RIMBP2: variants seen among roughly 807,000 people sequenced by gnomAD.
RIMBP2 encodes the protein RIMS binding protein 2, also known as RIMS-binding protein 2.
In RIMBP2, 48 loss-of-function variants were observed where a neutral mutation model predicts 118.6. The observed-to-expected ratio is 0.40, with a 90% confidence interval of 0.32 to 0.51. RIMBP2 has a LOEUF of 0.51. Ranked by LOEUF, RIMBP2 falls within the 20% of genes least tolerant of loss-of-function variation. The pLI, the probability that RIMBP2 is intolerant of heterozygous loss-of-function variation, is 0.41. For missense variants in RIMBP2, 1,551 were observed against 1,768.3 expected (o/e 0.88, Z 2.20); for synonymous variants, 762 against 742.9 (o/e 1.03, Z -0.42).
intron 6 of RIMBP2, chr12:130,468,870 AC>A (rs1036354647): frequency 3.3e-5 from 5 of 152,200 alleles, no homozygotes; most frequent in Non-Finnish European, 7.3e-5. Context: ...CCTTGGCAGG[AC>A]GGGAAGAGCC....
chr12:130,506,427 A>G (rs2050360489), intron 4 of RIMBP2, among the ~76,000 whole-genome samples: 1 of 152,196 alleles, frequency 6.6e-6, no homozygotes, highest in Non-Finnish European at 1.5e-5. Context: ...ATGGAAATGC[A>G]TAATTGGCTT....
intron 2 of RIMBP2, among the ~76,000 whole-genome samples, chr12:130,601,181 C>G (rs779159206): frequency 6.6e-6 from 1 of 152,022 alleles, no homozygotes; most frequent in African/African-American, 2.4e-5. Context: ...ATTTAACCAA[C>G]CAGAAGGACG....
intron 6 of RIMBP2, among the ~76,000 whole-genome samples, chr12:130,457,663 C>T (rs1014083405): frequency 6.6e-6 from 1 of 152,250 alleles, no homozygotes. Context: ...ACTGCAGTAG[C>T]TCCTGGGCTA....
chr12:130,709,080 G>A (rs1253147945), intron 1 of RIMBP2, among the ~76,000 whole-genome samples: 1 of 152,278 alleles, frequency 6.6e-6, no homozygotes, highest in Non-Finnish European at 1.5e-5. Context: ...CAACGTGCCG[G>A]CAACAGCAGT....
At chr12:130,559,423 T>A (rs1427368492) in intron 2 of RIMBP2, among the ~76,000 whole-genome samples, 1 of 152,188 alleles carries the variant, frequency 6.6e-6, no homozygotes, top group African/African-American at 2.4e-5. Context: ...CCGTTTGTCT[T>A]TCAATGCCTG....
chr12:130,494,371 G>C (rs2048936967), intron 4 of RIMBP2, among the ~76,000 whole-genome samples: 1 of 152,124 alleles, frequency 6.6e-6, no homozygotes, highest in African/African-American at 2.4e-5. Flanking sequence ...AAGCACAGTG[G>C]CTCATACCTG....
intron 2 of RIMBP2, among the ~76,000 whole-genome samples, chr12:130,527,220 AT>A (rs1323827887): frequency 2.0e-5 from 3 of 152,262 alleles, no homozygotes; most frequent in African/African-American, 7.2e-5. Flanking sequence ...GATAATTCAT[AT>A]AAATGTATTC....
chr12:130,459,828 C>A (rs1459913873), intron 6 of RIMBP2, among the ~76,000 whole-genome samples: 2 of 152,098 alleles, frequency 1.3e-5, no homozygotes. Context: ...TGCATACTCT[C>A]TGTGGTTTGG....
chr12:130,597,483 C>T (rs779410009), intron 2 of RIMBP2, among the ~76,000 whole-genome samples: 33 of 152,174 alleles, frequency 2.2e-4, no homozygotes, highest in Admixed American at 5.2e-4. Context: ...AACCATGATC[C>T]GCCTGCCTCA....
In RIMBP2 at chr12:130,434,998, G is replaced by A. The variant is rs1295788704; in HGVS notation, c.2107-118C>T. ...AGCCTGGCCAGGCACCCCCCACACA[G>A]TGCTTTGGGCCCAGCTCTGCCGCCC... On this transcript the variant is annotated intron_variant, in intron 13 of 22. Transcript: ENST00000690449. The surrounding 1 kb of genome is among the most constrained non-coding windows in gnomAD (Gnocchi z 5.7). The A allele has an allele frequency of 1.1e-5, 12 of 1,077,738 alleles. No individual in the cohort carries two copies. Among genetic ancestry groups the A allele is most frequent in the Admixed American group, 2.5e-5 (1 of 39,760 alleles). The allele number at this position is 1,077,738 out of a possible 1,614,324, so 66.8% of individuals were successfully genotyped here.
intron 2 of RIMBP2, among the ~76,000 whole-genome samples, chr12:130,589,185 G>A (rs2059107697): frequency 6.6e-6 from 1 of 152,192 alleles, no homozygotes; most frequent in South Asian, 2.1e-4. Flanking sequence ...GGAAGACCCT[G>A]GCAGGGCTGT....
At chr12:130,510,899 A>G (rs1404989117) in intron 3 of RIMBP2, among the ~76,000 whole-genome samples, 3 of 152,174 alleles carry the variant, frequency 2.0e-5, no homozygotes, top group Non-Finnish European at 4.4e-5. Flanking sequence ...GTTCGCAACA[A>G]GGAGGAGAGG....
chr12:130,655,493 A>G (rs556741790), intron 1 of RIMBP2, among the ~76,000 whole-genome samples: 105 of 152,304 alleles, frequency 6.9e-4, no homozygotes, highest in African/African-American at 2.5e-3. Flanking sequence ...AAACACCAGC[A>G]GTGGAGGGAG....
chr12:130,641,884 C>T (rs2141030140), intron 1 of RIMBP2, among the ~76,000 whole-genome samples: 1 of 152,260 alleles, frequency 6.6e-6, no homozygotes, highest in East Asian at 1.9e-4. Context: ...TCGCCAGGGC[C>T]ATCCGAGGAT....
intron 4 of RIMBP2, among the ~76,000 whole-genome samples, chr12:130,498,322 G>A (rs541043465): frequency 9.9e-5 from 15 of 152,240 alleles, no homozygotes; most frequent in African/African-American, 1.9e-4. Flanking sequence ...TCATTCATGC[G>A]TGCACTTGCT....
rs573570565 is a variant in RIMBP2, at chr12:130,442,823, AC to A, written c.692-164del. On this transcript the variant is annotated intron_variant, in intron 10 of 22. Transcript: ENST00000690449. The surrounding 1 kb of genome is among the most constrained non-coding windows in gnomAD (Gnocchi z 6.9). The stretch of plus-strand genomic sequence containing the variant: ...GAGTCCATGCTGGGGCCAGCTCCAC[AC>A]CCACCATCTAAAGAGCCAGCTCCTC... Among the ~76,000 whole-genome samples, 132 of 152,086 alleles carry A rather than the reference AC, an allele frequency of 8.7e-4. 1 individual carries two copies. Among genetic ancestry groups the A allele is most frequent in the African/African-American group, 2.9e-3 (122 of 41,476 alleles).
At chr12:130,690,387 C>T (rs1456554125) in intron 1 of RIMBP2, among the ~76,000 whole-genome samples, 1 of 152,200 alleles carries the variant, frequency 6.6e-6, no homozygotes, top group African/African-American at 2.4e-5. Flanking sequence ...TGCCCGAGAA[C>T]CTGAGAGAAT....
intron 2 of RIMBP2, among the ~76,000 whole-genome samples, chr12:130,593,495 CT>C (rs1314687657): frequency 6.6e-6 from 1 of 152,238 alleles, no homozygotes; most frequent in African/African-American, 2.4e-5. Flanking sequence ...AAACCTTTCT[CT>C]GCAGGAAGCG....
intron 4 of RIMBP2, among the ~76,000 whole-genome samples, chr12:130,499,936 G>T (rs1257231071): frequency 6.6e-6 from 1 of 152,154 alleles, no homozygotes; most frequent in African/African-American, 2.4e-5. Context: ...GGTTCAATTA[G>T]ATTTCTTTAT....
Sources: allele counts gnomAD v4.1 joint callset (sites outside exome capture counted in the v4.1 genomes callset), GRCh38; gene constraint gnomAD v4.1.1; non-coding constraint Gnocchi (gnomAD v3.1); transcripts MANE v1.5; gene names NCBI Gene and HGNC (gene_info 2026-07-23, HGNC 2026-07-21).